Variants in NETO1 observed in about 807,000 individuals in gnomAD.
NETO1 encodes neuropilin and tolloid like 1.
In NETO1, 26 loss-of-function variants were observed where a neutral mutation model predicts 61.3. That is an observed-to-expected ratio of 0.42 (90% CI 0.31 to 0.59). The LOEUF is 0.59. Ranked by LOEUF, NETO1 falls within the 20% of genes least tolerant of loss-of-function variation. The pLI is 0.12. For missense variants in NETO1, 531 were observed against 662.8 expected (o/e 0.80, Z 2.18); for synonymous variants, 225 against 225.8 (o/e 1.00, Z 0.03).
At chr18:72,770,584 A>G (rs1240750406) in intron 7 of NETO1, among the ~76,000 whole-genome samples, 1 of 152,122 alleles carries the variant, frequency 6.6e-6, no homozygotes. Flanking sequence ...CTATATTAGT[A>G]AAGTGGTCTT....
chr18:72,822,868 G>A (rs985578480), intron 4 of NETO1, among the ~76,000 whole-genome samples: 1 of 152,118 alleles, frequency 6.6e-6, no homozygotes, highest in African/African-American at 2.4e-5. Flanking sequence ...TATGGGGAGA[G>A]GCATATACAT....
At chr18:72,790,926 C>T (rs1189310432) in intron 6 of NETO1, among the ~76,000 whole-genome samples, 2 of 152,132 alleles carry the variant, frequency 1.3e-5, no homozygotes, top group Admixed American at 6.6e-5. Context: ...ATGATTTGGT[C>T]TCCCATCATT....
chr18:72,866,771 A>AG, intron 1 of NETO1: 8 of 992,462 alleles, frequency 8.1e-6, no homozygotes, highest in Non-Finnish European at 9.6e-6. Flanking sequence ...AGCGGTCTCC[A>AG]GGGCGGAAAG....
chr18:72,782,286 G>A (rs2071769106), intron 7 of NETO1, among the ~76,000 whole-genome samples: 1 of 152,058 alleles, frequency 6.6e-6, no homozygotes, highest in African/African-American at 2.4e-5. Flanking sequence ...CCTTTACTAT[G>A]GGAACAGTTT....
chr18:72,789,791 C>T (rs930725964), intron 6 of NETO1, among the ~76,000 whole-genome samples: 1 of 152,122 alleles, frequency 6.6e-6, no homozygotes, highest in Non-Finnish European at 1.5e-5. Context: ...CTTACTTCCC[C>T]TTTCATTCAT....
intron 4 of NETO1, among the ~76,000 whole-genome samples, chr18:72,842,277 T>C (rs1367414074): frequency 6.6e-6 from 1 of 152,202 alleles, no homozygotes; most frequent in Non-Finnish European, 1.5e-5. Context: ...TATTTTCCTG[T>C]TGTAAATATT....
At chr18:72,754,642 T>C (rs1314442086) in intron 8 of NETO1, among the ~76,000 whole-genome samples, 1 of 152,112 alleles carries the variant, frequency 6.6e-6, no homozygotes, top group African/African-American at 2.4e-5. Flanking sequence ...CACACATATA[T>C]GAATTTAGCA....
At chr18:72,857,723 C>T (rs1052170958) in intron 4 of NETO1, among the ~76,000 whole-genome samples, 9 of 152,104 alleles carry the variant, frequency 5.9e-5, no homozygotes, top group South Asian at 4.1e-4. Flanking sequence ...ACATGAAATA[C>T]CCATGATTTC....
At chr18:72,861,173 A>G (rs1292586283) in intron 3 of NETO1, among the ~76,000 whole-genome samples, 3 of 152,132 alleles carry the variant, frequency 2.0e-5, no homozygotes, top group Admixed American at 1.3e-4. Context: ...GGCTGAGTCA[A>G]CCTCTCGATG....
chr18:72,791,272 C>T (rs1249610041), intron 6 of NETO1, among the ~76,000 whole-genome samples: 1 of 152,308 alleles, frequency 6.6e-6, no homozygotes, highest in East Asian at 1.9e-4. Flanking sequence ...GCCAAGTAAG[C>T]TATTCAGCAC....
intron 4 of NETO1, among the ~76,000 whole-genome samples, chr18:72,846,504 CAAAA>C (rs35252443): frequency 0.012 from 150 of 12,942 alleles, no homozygotes; most frequent in Admixed American, 0.025. Flanking sequence ...GACTTCATCT[CAAAA>C]AAAAAAAAAA....
intron 4 of NETO1, among the ~76,000 whole-genome samples, chr18:72,849,363 C>T (rs1316377492): frequency 6.6e-6 from 1 of 152,176 alleles, no homozygotes; most frequent in Admixed American, 6.5e-5. Context: ...GTCATCAGCA[C>T]CTATAAACTT....
chr18:72,859,609 G>A (rs1188974860), intron 3 of NETO1, among the ~76,000 whole-genome samples: 1 of 152,102 alleles, frequency 6.6e-6, no homozygotes, highest in African/African-American at 2.4e-5. Context: ...TTCAACCTCA[G>A]CAGCTGGACC....
intron 4 of NETO1, among the ~76,000 whole-genome samples, chr18:72,837,069 T>C (rs2073773851): frequency 6.6e-6 from 1 of 152,152 alleles, no homozygotes; most frequent in Non-Finnish European, 1.5e-5. Flanking sequence ...CGTGTAAATA[T>C]TGTGCTAATC....
chr18:72,783,001 T>C (rs998097985), intron 7 of NETO1, among the ~76,000 whole-genome samples: 2 of 152,192 alleles, frequency 1.3e-5, no homozygotes, highest in African/African-American at 4.8e-5. Flanking sequence ...ATTTCTTAAA[T>C]TTCTCAGAAT....
chr18:72,766,252 GTGTGTA>G (rs1236635044), intron 7 of NETO1, among the ~76,000 whole-genome samples: 1 of 145,120 alleles, frequency 6.9e-6, no homozygotes, highest in Non-Finnish European at 1.5e-5. Context: ...GTGTGTGTGT[GTGTGTA>G]GCTTGCTACT....
intron 4 of NETO1, among the ~76,000 whole-genome samples, chr18:72,831,256 C>T (rs1472079631): frequency 6.6e-6 from 1 of 152,132 alleles, no homozygotes; most frequent in Non-Finnish European, 1.5e-5. Flanking sequence ...TTCCACAGAC[C>T]ACATCTTCTA....
chr18:72,810,056 T>A (rs1358444637), intron 4 of NETO1, among the ~76,000 whole-genome samples: 1 of 152,238 alleles, frequency 6.6e-6, no homozygotes, highest in Non-Finnish European at 1.5e-5. Flanking sequence ...AATGTCACTG[T>A]TTGCAATTTA....
intron 7 of NETO1, among the ~76,000 whole-genome samples, chr18:72,759,895 A>T (rs1753991645): frequency 1.3e-5 from 2 of 152,216 alleles, no homozygotes; most frequent in African/African-American, 4.8e-5. Flanking sequence ...AGAAGTAACA[A>T]TCCAAATGCC....
Sources: allele counts gnomAD v4.1 joint callset (sites outside exome capture counted in the v4.1 genomes callset), GRCh38; gene constraint gnomAD v4.1.1; transcripts MANE v1.5; gene names NCBI Gene and HGNC (gene_info 2026-07-23, HGNC 2026-07-21).